The following SPATA7 variants were observed in gnomAD, a reference collection of about 807,000 sequenced individuals.
The protein encoded by SPATA7 is spermatogenesis-associated protein 7.
SPATA7 carries 43 observed loss-of-function variants against 51.8 expected under a neutral mutation model. The ratio of observed to expected loss-of-function variants is 0.83; its 90% CI spans 0.65 to 1.07. The LOEUF is 1.07. Ranked by LOEUF, SPATA7 falls within the 50% of genes least tolerant of loss-of-function variation. The pLI, the probability that SPATA7 is intolerant of heterozygous loss-of-function variation, is 0.00. For missense variants in SPATA7, 683 were observed against 701.3 expected, an observed-to-expected ratio of 0.97 and a Z score of 0.30; for synonymous variants, 230 against 252.8, an observed-to-expected ratio of 0.91 and a Z score of 0.86.
At chr14:88,411,225 C>G (rs1441694104) in intron 4 of SPATA7, among the ~76,000 whole-genome samples, 1 of 152,182 alleles carries the variant, frequency 6.6e-6, no homozygotes, top group African/African-American at 2.4e-5. Context: ...CTCCCCCCAC[C>G]AAGCTCTAGA....
chr14:88,406,144 C>T (rs562056630), intron 4 of SPATA7, among the ~76,000 whole-genome samples: 17 of 152,242 alleles, frequency 1.1e-4, no homozygotes, highest in African/African-American at 3.6e-4. Context: ...TGAGCCATCT[C>T]TGTTTTTATA....
chr14:88,447,395 G>A (rs1475219482), intron 3 of SPATA7, among the ~76,000 whole-genome samples: 3 of 151,006 alleles, frequency 2.0e-5, no homozygotes, highest in African/African-American at 4.9e-5. Flanking sequence ...CGTGAGATGG[G>A]TTTCCTGAAT....
chr14:88,395,317 A>C (rs1179705065), intron 3 of SPATA7, among the ~76,000 whole-genome samples: 1 of 152,036 alleles, frequency 6.6e-6, no homozygotes, highest in Admixed American at 6.5e-5. Flanking sequence ...TTAAATAGCT[A>C]AAGTTTTTAA....
At chr14:88,408,109 T>C (rs1227346837) in intron 4 of SPATA7, among the ~76,000 whole-genome samples, 9 of 152,160 alleles carry the variant, frequency 5.9e-5, no homozygotes, top group African/African-American at 2.2e-4. Flanking sequence ...TTTGGTTCCA[T>C]ATGAAATTTA....
chr14:88,395,609 G>GT (rs929782124), intron 3 of SPATA7, among the ~76,000 whole-genome samples: 25 of 151,348 alleles, frequency 1.7e-4, no homozygotes, highest in African/African-American at 5.6e-4. Flanking sequence ...GGGTTTTGAG[G>GT]TTTTTTGTTT....
At chr14:88,420,768 G>A (rs1343195906) in intron 5 of SPATA7, among the ~76,000 whole-genome samples, 1 of 152,038 alleles carries the variant, frequency 6.6e-6, no homozygotes, top group Admixed American at 6.6e-5. Flanking sequence ...AAATATTTGA[G>A]TATATATCTA....
At chr14:88,448,688 A>C (rs146829481) in intron 3 of SPATA7, among the ~76,000 whole-genome samples, 2,162 of 152,106 alleles carry the variant, frequency 0.014, 19 homozygotes, top group East Asian at 0.023. Context: ...TCTGTTTGTT[A>C]GTTTTCCTTC....
chr14:88,421,849 T>G (rs2076652925), intron 5 of SPATA7, among the ~76,000 whole-genome samples: 1 of 151,406 alleles, frequency 6.6e-6, no homozygotes, highest in African/African-American at 2.4e-5. Flanking sequence ...CTCAGGAGGC[T>G]GAGGCAGAAG....
intron 1 of SPATA7, among the ~76,000 whole-genome samples, chr14:88,389,399 T>G (rs1404256315): frequency 6.6e-6 from 1 of 152,100 alleles, no homozygotes; most frequent in African/African-American, 2.4e-5. Context: ...AGTTAGAGTT[T>G]CGCCATGTTG....
chr14:88,451,991 G>A (rs56040577), intron 3 of SPATA7, among the ~76,000 whole-genome samples: 5,774 of 152,236 alleles, frequency 0.038, 355 homozygotes, highest in African/African-American at 0.13. Flanking sequence ...GGGTGTTAAA[G>A]AACCTTGTTT....
At position 88,426,563 on chromosome 14, in the gene SPATA7, A is replaced by G; in HGVS notation, c.704A>G (p.Asn235Ser). Residue 235 changes from asparagine to serine, a missense_variant, in exon 6 of 12, where the codon AAC (asparagine) becomes AGC (serine). Transcript: ENST00000393545. ...GATAAACATTCTGAACTCTTTTCTA[A>G]CAAACAATTGCCATTCACTCCTCGC... Reference protein sequence around the residue: ...LLDKHSELFSNKQLPFTPRTL... With the variant: ...LLDKHSELFSSKQLPFTPRTL... 1 of 1,614,174 alleles carries G rather than the reference A, an allele frequency of 6.2e-7. No homozygotes were observed. The highest frequency in any genetic ancestry group is 1.3e-5 in the African/African-American group (1 of 75,040).
intron 1 of SPATA7, among the ~76,000 whole-genome samples, chr14:88,390,363 C>T (rs1214567524): frequency 6.6e-6 from 1 of 151,732 alleles, no homozygotes; most frequent in African/African-American, 2.4e-5. Flanking sequence ...CGCTTTCTAT[C>T]TTGGTTCCAC....
intron 7 of SPATA7, 159 bp from the exon 8 acceptor site, chr14:88,429,189 G>A (rs191355930): frequency 2.1e-6 from 1 of 487,024 alleles, no homozygotes; most frequent in Admixed American, 3.3e-5. Flanking sequence ...AAAAAGTGCT[G>A]GATGGATAGA....
intron 4 of SPATA7, among the ~76,000 whole-genome samples, chr14:88,413,615 G>C (rs2076398692): frequency 6.6e-6 from 1 of 152,078 alleles, no homozygotes; most frequent in Non-Finnish European, 1.5e-5. Flanking sequence ...GCATCCTTAT[G>C]CTGTTCCAGT....
At chr14:88,394,327 T>C (rs1462469573) in intron 3 of SPATA7, among the ~76,000 whole-genome samples, 3 of 152,122 alleles carry the variant, frequency 2.0e-5, no homozygotes, top group Non-Finnish European at 2.9e-5. Context: ...GTCAGTCCCC[T>C]CCTGACAAAT....
At chr14:88,392,461 A>C (rs2075770564) in intron 2 of SPATA7, among the ~76,000 whole-genome samples, 1 of 152,170 alleles carries the variant, frequency 6.6e-6, no homozygotes, top group Non-Finnish European at 1.5e-5. Flanking sequence ...TAATGACTAG[A>C]TAAGTTTATA....
At chr14:88,467,242 G>GCAACA (rs1432009918) in intron 4 of SPATA7, 1 of 152,084 alleles carries the variant, frequency 6.6e-6, no homozygotes, top group Non-Finnish European at 1.5e-5. Flanking sequence ...CATCTACAAA[G>GCAACA]CAACACATAT....
chr14:88,403,302 A>G (rs998772245), intron 4 of SPATA7, among the ~76,000 whole-genome samples: 1 of 152,246 alleles, frequency 6.6e-6, no homozygotes, highest in African/African-American at 2.4e-5. Flanking sequence ...CATACGATTA[A>G]GCAATCCCAC....
chr14:88,411,649 C>G (rs1326284338), intron 4 of SPATA7, among the ~76,000 whole-genome samples: 1 of 152,120 alleles, frequency 6.6e-6, no homozygotes, highest in African/African-American at 2.4e-5. Context: ...CCTTGCGCTT[C>G]CTGGGTGAGG....
Sources: allele counts gnomAD v4.1 joint callset (sites outside exome capture counted in the v4.1 genomes callset), GRCh38; gene constraint gnomAD v4.1.1; transcripts MANE v1.5; gene names NCBI Gene and HGNC (gene_info 2026-07-23, HGNC 2026-07-21).